The following FER variants were observed in gnomAD, a reference collection of about 807,000 sequenced individuals.
FER encodes FER tyrosine kinase.
A neutral mutation model predicts 111.0 loss-of-function variants in FER; 63 were observed. That is an observed-to-expected ratio of 0.57 (90% CI 0.46 to 0.70). FER has a LOEUF of 0.70. Among genes scored for constraint, FER ranks in the 30% least tolerant of loss-of-function variants. FER has a pLI of 0.00. For synonymous variants in FER, 327 were observed against 313.9 expected, an observed-to-expected ratio of 1.04 and a Z score of -0.44; for missense variants, 914 against 954.0, an observed-to-expected ratio of 0.96 and a Z score of 0.55.
chr5:109,025,447 T>G (rs1768570742), intron 13 of FER, among the ~76,000 whole-genome samples: 1 of 152,030 alleles, frequency 6.6e-6, no homozygotes, highest in Non-Finnish European at 1.5e-5. Flanking sequence ...ATAAGAATGC[T>G]TGTGATTTTT....
At chr5:108,824,288 G>GA (rs535324691) in intron 3 of FER, among the ~76,000 whole-genome samples, 200 of 151,854 alleles carry the variant, frequency 1.3e-3, no homozygotes, top group African/African-American at 4.3e-3. Flanking sequence ...AGAAGTTTAG[G>GA]ATTTTTTTTT....
At chr5:109,104,305 C>T (rs1748612125) in intron 17 of FER, among the ~76,000 whole-genome samples, 1 of 152,208 alleles carries the variant, frequency 6.6e-6, no homozygotes. Flanking sequence ...CAGTTGACTA[C>T]TCTATGCCAG....
chr5:108,820,690 A>G (rs1353092762), intron 3 of FER, among the ~76,000 whole-genome samples: 1 of 152,228 alleles, frequency 6.6e-6, no homozygotes, highest in Non-Finnish European at 1.5e-5. Context: ...ACCAGTCATT[A>G]GAAACCAATT....
chr5:108,854,702 G>T (rs376251871), intron 5 of FER, among the ~76,000 whole-genome samples: 3 of 152,118 alleles, frequency 2.0e-5, no homozygotes, highest in African/African-American at 7.2e-5. Flanking sequence ...TTGGGAGGCC[G>T]AGGCAGATGG....
At chr5:108,888,395 A>G (rs1320075649) in intron 9 of FER, among the ~76,000 whole-genome samples, 2 of 151,900 alleles carry the variant, frequency 1.3e-5, no homozygotes, top group Non-Finnish European at 2.9e-5. Context: ...ATTACCAGTT[A>G]TTATCATTGC....
At chr5:108,785,853 C>T (rs1580516261) in intron 2 of FER, among the ~76,000 whole-genome samples, 1 of 152,182 alleles carries the variant, frequency 6.6e-6, no homozygotes, top group Admixed American at 6.5e-5. Context: ...AGTCATCCTG[C>T]CTCTGTGCTG....
chr5:108,797,141 C>T (rs1197043446), intron 2 of FER, among the ~76,000 whole-genome samples: 1 of 151,742 alleles, frequency 6.6e-6, no homozygotes, highest in African/African-American at 2.4e-5. Context: ...TTTTTTTTGG[C>T]CCAGGTTGTG....
At chr5:108,749,130 G>C (rs986495806) in intron 1 of FER, 1 of 152,370 alleles carries the variant, frequency 6.6e-6, no homozygotes, top group Non-Finnish European at 1.5e-5. Flanking sequence ...GATTCGGCCA[G>C]GGCGTTGGGG....
At chr5:109,160,727 T>C (rs1582318529) in intron 17 of FER, among the ~76,000 whole-genome samples, 2 of 152,280 alleles carry the variant, frequency 1.3e-5, no homozygotes, top group East Asian at 3.9e-4. Context: ...GAGTCTGTTT[T>C]TGTAAGCAGA....
At chr5:109,016,445 T>C (rs1767137003) in intron 13 of FER, among the ~76,000 whole-genome samples, 1 of 152,058 alleles carries the variant, frequency 6.6e-6, no homozygotes. Context: ...GAGCAACTCC[T>C]ATAAAGCAAA....
intron 17 of FER, among the ~76,000 whole-genome samples, chr5:109,110,376 G>C (rs1460878105): frequency 2.6e-5 from 4 of 152,130 alleles, no homozygotes; most frequent in African/African-American, 9.7e-5. Context: ...GGAGATAAAA[G>C]AGTGAGCCAT....
intron 17 of FER, among the ~76,000 whole-genome samples, chr5:109,117,552 T>C (rs186566052): frequency 5.4e-4 from 83 of 152,294 alleles, no homozygotes; most frequent in African/African-American, 1.8e-3. Flanking sequence ...GTGAAAGTCA[T>C]TGGTAGCTTG....
At chr5:109,000,776 AAG>A (rs889919573) in intron 13 of FER, among the ~76,000 whole-genome samples, 4 of 152,160 alleles carry the variant, frequency 2.6e-5, no homozygotes, top group Non-Finnish European at 2.9e-5. Context: ...TAAAGAAGAA[AAG>A]AGAGAGGAAT....
In FER at chr5:108,871,351, A is replaced by C; in HGVS notation, c.666-14A>C. 6.3e-7 allele frequency: 1 copy of C among 1,598,342 alleles called. No homozygotes were observed. The stretch of plus-strand genomic sequence containing the variant: ...AAACTTTAAAATGCTGCAAAATTTT[A>C]TTTTTGTTTTCAGCAAAGGTATATT... On this transcript the variant is annotated splice_polypyrimidine_tract_variant and intron_variant, in intron 6 of 19. Transcript: ENST00000281092.
At chr5:108,879,810 A>G (rs1395996331) in intron 8 of FER, among the ~76,000 whole-genome samples, 1 of 150,384 alleles carries the variant, frequency 6.6e-6, no homozygotes, top group Non-Finnish European at 1.5e-5. Context: ...CTCAGGTTAA[A>G]GTGATTCTCC....
At chr5:108,767,988 G>A (rs1459371372) in intron 1 of FER, 105 bp from the exon 2 acceptor site, 3 of 152,194 alleles carry the variant, frequency 2.0e-5, no homozygotes, top group Non-Finnish European at 4.4e-5. Flanking sequence ...ATTGTCATAA[G>A]CTGTCACAGT....
intron 13 of FER, 65 bp from the exon 14 acceptor site, chr5:109,037,357 C>G: frequency 2.1e-6 from 3 of 1,399,746 alleles, no homozygotes; most frequent in East Asian, 2.3e-5. Flanking sequence ...TCCACTGGCT[C>G]AAATGCAACT....
At chr5:109,000,157 T>A (rs971995058) in intron 13 of FER, among the ~76,000 whole-genome samples, 1 of 151,728 alleles carries the variant, frequency 6.6e-6, no homozygotes, top group Non-Finnish European at 1.5e-5. Context: ...AATATATATA[T>A]AAGTTTATTT....
At chr5:108,845,042 A>ATGTGTG (rs1761852825) in intron 5 of FER, among the ~76,000 whole-genome samples, 1 of 29,684 alleles carries the variant, frequency 3.4e-5, no homozygotes, top group Admixed American at 3.9e-4. Context: ...ATATATATAC[A>ATGTGTG]TATATATATA....
Sources: allele counts gnomAD v4.1 joint callset (sites outside exome capture counted in the v4.1 genomes callset), GRCh38; gene constraint gnomAD v4.1.1; transcripts MANE v1.5; gene names NCBI Gene and HGNC (gene_info 2026-07-23, HGNC 2026-07-21).